The following PCDHA8 variants were observed in gnomAD, a reference collection of about 807,000 sequenced individuals.
PCDHA8 encodes protocadherin alpha 8, also known as protocadherin alpha-8.
PCDHA8 carries 53 observed loss-of-function variants against 61.8 expected under a neutral mutation model. That is an observed-to-expected ratio of 0.86 (90% confidence interval 0.69 to 1.08). The LOEUF is 1.08. Ranked by LOEUF, PCDHA8 falls within the 50% of genes least tolerant of loss-of-function variation. The probability of loss-of-function intolerance (pLI) is 0.00; values close to 1 mark genes in which losing one functional copy is unlikely to be tolerated. For missense variants in PCDHA8, 1,293 were observed against 1,245.0 expected (o/e 1.04, Z -0.58); for synonymous variants, 618 against 556.6 (o/e 1.11, Z -1.55).
At chr5:140,845,420 A>T (rs954218239) in intron 1 of PCDHA8, among the ~76,000 whole-genome samples, 2 of 149,530 alleles carry the variant, frequency 1.3e-5, no homozygotes, top group Admixed American at 6.7e-5. Flanking sequence ...GCAATTTATC[A>T]TTTAAGTCAT....
intron 1 of PCDHA8, chr5:140,966,941 G>C (rs1554228938): frequency 1.9e-6 from 3 of 1,604,498 alleles, no homozygotes; most frequent in Non-Finnish European, 2.5e-6. Context: ...CGCGCTCGTG[G>C]GCAACGTGGC....
intron 1 of PCDHA8, chr5:140,849,776 G>T: frequency 6.3e-7 from 1 of 1,598,464 alleles, no homozygotes; most frequent in Non-Finnish European, 8.6e-7. Flanking sequence ...TGGTTACCGC[G>T]CGGGACGGGG....
At chr5:140,904,152 C>T (rs782254163) in intron 1 of PCDHA8, among the ~76,000 whole-genome samples, 16 of 152,024 alleles carry the variant, frequency 1.1e-4, no homozygotes, top group Non-Finnish European at 2.2e-4. Context: ...ATACATTGCA[C>T]CCAGTTTGTA....
chr5:140,851,638 T>C, intron 1 of PCDHA8: 1 of 915,858 alleles, frequency 1.1e-6, no homozygotes, highest in Non-Finnish European at 1.3e-6. Flanking sequence ...AAGTGTTTCC[T>C]TTCTTCAAGA....
In PCDHA8 at chr5:140,883,892, G is replaced by C; in HGVS notation, c.2394+40177G>C. ...CCAGGTGAGCGCGCGCGACTCTGGC[G>C]TGCCGCCTCTGGGCAGCAACGTGAC... On this transcript the variant is annotated intron_variant, in intron 1 of 3. Transcript: ENST00000531613. 4 of 1,613,362 alleles carry C rather than the reference G, an allele frequency of 2.5e-6. No homozygotes were observed. The South Asian group carries it at 4.4e-5, about 18-fold the overall frequency.
chr5:140,947,270 T>C (rs1230948656), intron 1 of PCDHA8, among the ~76,000 whole-genome samples: 1 of 151,546 alleles, frequency 6.6e-6, no homozygotes, highest in Non-Finnish European at 1.5e-5. Context: ...TTGTTGAAAA[T>C]ACTTTTTCTT....
chr5:140,900,907 T>C (rs1156878452), intron 1 of PCDHA8, among the ~76,000 whole-genome samples: 1 of 152,190 alleles, frequency 6.6e-6, no homozygotes, highest in African/African-American at 2.4e-5. Context: ...ATTTTAACTG[T>C]GGTAAGATGA....
chr5:140,860,923 G>A (rs1419430467), intron 1 of PCDHA8: 5 of 152,248 alleles, frequency 3.3e-5, no homozygotes, highest in African/African-American at 9.7e-5. Flanking sequence ...ATTTTTAGTA[G>A]AGACGAGGTT....
intron 3 of PCDHA8, 85 bp from the exon 4 acceptor site, chr5:141,009,542 T>C: frequency 6.5e-7 from 1 of 1,530,742 alleles, no homozygotes; most frequent in Admixed American, 2.1e-5. Context: ...AGCCTGCCTA[T>C]GCAGTACTCC....
At position 140,841,804 on chromosome 5, in the gene PCDHA8, T is replaced by C. The variant is rs2150322982; in HGVS notation, c.483T>C (p.Asp161=). Residue 161 remains aspartate, a synonymous_variant, in exon 1 of 4, where the codon GAT becomes GAC. Coordinates refer to ENST00000531613, the MANE Select transcript of PCDHA8 (RefSeq NM_018911.3). ...RFPLEGASDA[D]VGANSVLTYR... ...CGCTAGAGGGCGCGTCCGATGCAGA[T>C]GTTGGAGCTAACTCCGTGTTAACCT... 1.2e-6 allele frequency: 2 copies of C among 1,613,912 alleles called. No homozygotes were observed. Among genetic ancestry groups the C allele is most frequent in the Non-Finnish European group, 1.7e-6 (2 of 1,179,858 alleles).
At chr5:140,966,697 G>T (rs2096039921) in intron 1 of PCDHA8, 1 of 1,363,184 alleles carries the variant, frequency 7.3e-7, no homozygotes, top group Admixed American at 3.6e-5. Context: ...GCGGGGCCCG[G>T]GCGTGGGGCA....
intron 3 of PCDHA8, among the ~76,000 whole-genome samples, chr5:140,992,857 C>G (rs1234991129): frequency 6.6e-6 from 1 of 152,148 alleles, no homozygotes; most frequent in African/African-American, 2.4e-5. Context: ...ACCAGTTTCA[C>G]TCTAGCTCCC....
intron 1 of PCDHA8, among the ~76,000 whole-genome samples, chr5:140,915,921 T>C (rs2077370703): frequency 6.6e-6 from 1 of 152,286 alleles, no homozygotes; most frequent in African/African-American, 2.4e-5. Context: ...GAGATGCTAC[T>C]TGGGAGTCAG....
chr5:140,967,087 G>T (rs782556858), intron 1 of PCDHA8: 2 of 1,613,138 alleles, frequency 1.2e-6, no homozygotes, highest in East Asian at 4.5e-5. Flanking sequence ...GCATTGATCG[G>T]GAGGCGCTGT....
chr5:140,884,441 GCACCGCCCACCGAGGGC>G (rs782266354), intron 1 of PCDHA8: 1 of 1,613,812 alleles, frequency 6.2e-7, no homozygotes, highest in Non-Finnish European at 8.5e-7. Flanking sequence ...GCGGTGCTCG[GCACCGCCCACCGAGGGC>G]GCGTGCGCGC....
intron 1 of PCDHA8, among the ~76,000 whole-genome samples, chr5:140,954,349 G>A (rs554018151): frequency 2.0e-4 from 31 of 152,312 alleles, no homozygotes; most frequent in Admixed American, 1.8e-3. Flanking sequence ...AGATCTTTGA[G>A]GAATCGCCAC....
intron 1 of PCDHA8, chr5:140,884,108 G>T: frequency 1.9e-6 from 3 of 1,613,402 alleles, no homozygotes; most frequent in Non-Finnish European, 2.5e-6. Context: ...ATTGCAGCTG[G>T]CGGCGGTCGG....
chr5:140,956,733 C>A (rs1412191742), intron 1 of PCDHA8, among the ~76,000 whole-genome samples: 1 of 152,172 alleles, frequency 6.6e-6, no homozygotes, highest in Non-Finnish European at 1.5e-5. Flanking sequence ...ACCAGCTCCT[C>A]TTTGTACCTC....
rs782537686 is a variant in PCDHA8, at chr5:140,967,852, C to T, written c.2395-11097C>T. 13 of 1,614,142 alleles carry T rather than the reference C, an allele frequency of 8.1e-6. No homozygotes were observed. The Middle Eastern group carries it at 1.2e-3, about 143-fold the overall frequency. On this transcript the variant is annotated intron_variant, in intron 1 of 3. Transcript: ENST00000531613. ...ACATCGTGGACGTGAATGACAATGC[C>T]CCAGAGGTGGTGCTCACGGACCTGT...
Sources: allele counts gnomAD v4.1 joint callset (sites outside exome capture counted in the v4.1 genomes callset), GRCh38; gene constraint gnomAD v4.1.1; transcripts MANE v1.5; gene names NCBI Gene and HGNC (gene_info 2026-07-23, HGNC 2026-07-21).